Variants in RBFOX1 observed in about 807,000 individuals in gnomAD.
RBFOX1 encodes the protein RNA binding fox-1 homolog 1, also known as RNA binding protein fox-1 homolog 1.
A neutral mutation model predicts 57.7 loss-of-function variants in RBFOX1; 8 were observed. That is an observed-to-expected ratio of 0.14 (90% CI 0.08 to 0.25). RBFOX1 has a LOEUF of 0.25. Ranked by LOEUF, RBFOX1 falls within the 10% of genes least tolerant of loss-of-function variation. The pLI, the probability that RBFOX1 is intolerant of heterozygous loss-of-function variation, is 1.00. For synonymous variants in RBFOX1, 326 were observed against 222.4 expected (o/e 1.47, Z -4.15); for missense variants, 611 against 548.5 (o/e 1.11, Z -1.14).
chr16:5,593,119 A>T (rs559085498), intron 2 of RBFOX1, among the ~76,000 whole-genome samples: 294 of 152,094 alleles, frequency 1.9e-3, no homozygotes, highest in Non-Finnish European at 3.6e-3. Context: ...AGACTGGAGA[A>T]AGAAAATGTG....
intron 3 of RBFOX1, among the ~76,000 whole-genome samples, chr16:6,746,888 C>G (rs2073793800): frequency 6.6e-6 from 1 of 152,086 alleles, no homozygotes; most frequent in Admixed American, 6.5e-5. Flanking sequence ...TTCATAGAAA[C>G]TCCATCTCCT....
At chr16:6,220,725 C>CG (rs2097367276) in intron 1 of RBFOX1, among the ~76,000 whole-genome samples, 1 of 14,196 alleles carries the variant, frequency 7.0e-5, no homozygotes, top group South Asian at 0.016. Context: ...ACTAACCGCC[C>CG]CCCCCCAGTG....
intron 4 of RBFOX1, among the ~76,000 whole-genome samples, chr16:7,222,015 G>A (rs1387357208): frequency 2.6e-5 from 4 of 152,194 alleles, no homozygotes; most frequent in Admixed American, 2.6e-4. Flanking sequence ...ACCATTATTA[G>A]CCAGCCTGTC....
chr16:6,884,960 C>T (rs535370961), intron 3 of RBFOX1, among the ~76,000 whole-genome samples: 38 of 152,186 alleles, frequency 2.5e-4, no homozygotes, highest in African/African-American at 7.9e-4. Context: ...AAACTGAGAC[C>T]GCAACCCAGA....
At chr16:6,773,880 G>T (rs948816693) in intron 3 of RBFOX1, 4 of 874,984 alleles carry the variant, frequency 4.6e-6, no homozygotes, top group East Asian at 1.2e-4. Flanking sequence ...GCGTTTGTCT[G>T]TGTGTATTTG....
chr16:6,304,876 C>CACAAAAAAAA (rs2079280755), intron 1 of RBFOX1, among the ~76,000 whole-genome samples: 1 of 79,676 alleles, frequency 1.3e-5, no homozygotes, highest in African/African-American at 6.1e-5. Context: ...GACCCTGTCT[C>CACAAAAAAAA]AAAAAAAAAA....
intron 1 of RBFOX1, among the ~76,000 whole-genome samples, chr16:5,397,943 A>G (rs572940718): frequency 7.2e-5 from 11 of 152,228 alleles, no homozygotes; most frequent in Non-Finnish European, 1.5e-4. Context: ...GCTGAACAAG[A>G]CATTCGAGGT....
intron 4 of RBFOX1, among the ~76,000 whole-genome samples, chr16:7,472,833 T>C (rs1410049622): frequency 6.6e-6 from 1 of 152,220 alleles, no homozygotes; most frequent in East Asian, 1.9e-4. Flanking sequence ...GATAAAAGTG[T>C]TAGCAGGATA....
At chr16:6,669,050 C>T (rs1031930543) in intron 3 of RBFOX1, among the ~76,000 whole-genome samples, 7 of 152,216 alleles carry the variant, frequency 4.6e-5, no homozygotes, top group African/African-American at 1.7e-4. Context: ...GGTGACTTCA[C>T]ACTTTAGATA....
At chr16:7,346,780 A>C (rs2097018151) in intron 4 of RBFOX1, among the ~76,000 whole-genome samples, 1 of 152,148 alleles carries the variant, frequency 6.6e-6, no homozygotes, top group African/African-American at 2.4e-5. Flanking sequence ...GACCCATACG[A>C]TCATGTGGGT....
intron 4 of RBFOX1, among the ~76,000 whole-genome samples, chr16:7,171,638 T>C (rs1412234611): frequency 6.6e-6 from 1 of 152,194 alleles, no homozygotes; most frequent in Non-Finnish European, 1.5e-5. Flanking sequence ...AAGGGGCCAT[T>C]TCCATTTACT....
At chr16:5,695,744 A>G (rs1290312900) in intron 3 of RBFOX1, among the ~76,000 whole-genome samples, 2 of 152,226 alleles carry the variant, frequency 1.3e-5, no homozygotes, top group Non-Finnish European at 2.9e-5. Flanking sequence ...TGGACAGCAC[A>G]GGACTTAATA....
chr16:7,494,685 C>T (rs2068007066), intron 4 of RBFOX1, among the ~76,000 whole-genome samples: 1 of 152,130 alleles, frequency 6.6e-6, no homozygotes, highest in African/African-American at 2.4e-5. Flanking sequence ...GATACTTACT[C>T]AAAGCCATAT....
At chr16:6,526,117 C>T (rs2096574186) in intron 2 of RBFOX1, among the ~76,000 whole-genome samples, 1 of 152,170 alleles carries the variant, frequency 6.6e-6, no homozygotes, top group African/African-American at 2.4e-5. Context: ...TAAAGTGAGT[C>T]ATGGAATCTT....
intron 10 of RBFOX1, among the ~76,000 whole-genome samples, chr16:7,613,326 A>G (rs2057882966): frequency 6.6e-6 from 1 of 152,214 alleles, no homozygotes; most frequent in Non-Finnish European, 1.5e-5. Flanking sequence ...AAAGGTGGTC[A>G]GGTCTTGAAA....
At position 7,491,800 on chromosome 16, in the gene RBFOX1, A is replaced by AAT. The variant is rs756037918; in HGVS notation, c.28-26336_28-26335dup. Reference sequence around the variant, plus strand: ...CACATGCCACCATGCCCAGCTAATTAATATATATATATTTAAAAACATGTC... The same window carrying AAT: ...CACATGCCACCATGCCCAGCTAATTAATATATATATATATTTAAAAACATGTC... On this transcript the variant is annotated intron_variant, in intron 4 of 15. Transcript: ENST00000550418. Among the ~76,000 whole-genome samples, 51 of 152,040 alleles carry AAT rather than the reference A, an allele frequency of 3.4e-4. No individual in the cohort carries two copies. The East Asian group carries it at 6.6e-3, about 20-fold the overall frequency.
At chr16:5,400,483 C>A (rs1165169775) in intron 1 of RBFOX1, among the ~76,000 whole-genome samples, 1 of 152,118 alleles carries the variant, frequency 6.6e-6, no homozygotes, top group Non-Finnish European at 1.5e-5. Context: ...ATATATTATT[C>A]TCTTTCAAAA....
At chr16:5,777,532 A>G (rs868230280) in intron 3 of RBFOX1, among the ~76,000 whole-genome samples, 2 of 152,200 alleles carry the variant, frequency 1.3e-5, no homozygotes, top group Admixed American at 6.5e-5. Flanking sequence ...CTGAAGTTGC[A>G]TTGACTTGGA....
intron 3 of RBFOX1, among the ~76,000 whole-genome samples, chr16:6,719,599 C>G (rs757737341): frequency 5.3e-5 from 8 of 151,758 alleles, no homozygotes; most frequent in East Asian, 4.0e-4. Flanking sequence ...CATCACCACG[C>G]CCGGCTAATT....
Sources: gnomAD v4.1 joint callset for allele counts (sites outside exome capture counted in the v4.1 genomes callset) on GRCh38, gnomAD v4.1.1 for gene constraint, MANE v1.5 for transcripts, NCBI Gene and HGNC (gene_info 2026-07-23, HGNC 2026-07-21) for gene names.